ADGRL2: variants seen among roughly 807,000 people sequenced by gnomAD.
ADGRL2 encodes the protein adhesion G protein-coupled receptor L2, also known as calcium-independent alpha-latrotoxin receptor 2.
A neutral mutation model predicts 157.4 loss-of-function variants in ADGRL2; 44 were observed. The observed-to-expected ratio is 0.28, with a 90% CI of 0.22 to 0.36. ADGRL2 has a LOEUF of 0.36. ADGRL2 is among the 10% of genes least tolerant of loss of function. The pLI is 1.00. For synonymous variants in ADGRL2, 585 were observed against 624.7 expected (o/e 0.94, Z 0.95); for missense variants, 1,510 against 1,768.9 (o/e 0.85, Z 2.63).
intron 1 of ADGRL2, among the ~76,000 whole-genome samples, chr1:81,808,849 C>T (rs570797011): frequency 2.0e-5 from 3 of 152,104 alleles, no homozygotes; most frequent in African/African-American, 4.8e-5. Context: ...CCCAGATTTA[C>T]GGAAGTGCAG....
intron 3 of ADGRL2, among the ~76,000 whole-genome samples, chr1:81,918,056 A>G (rs2094898994): frequency 6.6e-6 from 1 of 152,192 alleles, no homozygotes; most frequent in African/African-American, 2.4e-5. Context: ...TGGCTTAGGA[A>G]TAGCCAAGCG....
chr1:81,821,173 A>G (rs2090956190), intron 1 of ADGRL2, among the ~76,000 whole-genome samples: 1 of 152,214 alleles, frequency 6.6e-6, no homozygotes, highest in Non-Finnish European at 1.5e-5. Context: ...GACATCCTTA[A>G]AAAGACATTT....
rs113028215 is a variant in ADGRL2, at chr1:81,710,266, A to G, written c.-143+10458A>G. Among the ~76,000 whole-genome samples the G allele has an allele frequency of 1.2e-4, 18 of 152,146 alleles. 1 individual carries two copies. The highest frequency in any genetic ancestry group is 3.9e-4 in the African/African-American group (16 of 41,522). On this transcript the variant is annotated intron_variant, in intron 1 of 20. Coordinates refer to the ADGRL2 transcript ENST00000359929. Reference sequence around the variant, plus strand: ...GAAAGATGAACAGTGCTGCCTTTCTATAGCAGTGTTTCTCAAACTTTTTGA... The same window carrying G: ...GAAAGATGAACAGTGCTGCCTTTCTGTAGCAGTGTTTCTCAAACTTTTTGA...
intron 2 of ADGRL2, among the ~76,000 whole-genome samples, chr1:81,872,799 T>G (rs1284636679): frequency 1.3e-5 from 2 of 152,144 alleles, no homozygotes; most frequent in East Asian, 3.8e-4. Flanking sequence ...AACAATATAA[T>G]CATGATTTTC....
intron 2 of ADGRL2, among the ~76,000 whole-genome samples, chr1:81,452,213 C>CT (rs2077715413): frequency 6.6e-6 from 1 of 152,122 alleles, no homozygotes; most frequent in East Asian, 1.9e-4. Context: ...TTGGGAAAGA[C>CT]TTTACTCTTA....
chr1:81,322,942 C>T (rs1427728202), intron 1 of ADGRL2, among the ~76,000 whole-genome samples: 6 of 151,328 alleles, frequency 4.0e-5, no homozygotes, highest in African/African-American at 1.5e-4. Context: ...ACTGCAACCT[C>T]CCACTCTTTG....
chr1:81,748,788 C>T (rs974068871), intron 1 of ADGRL2, among the ~76,000 whole-genome samples: 26 of 151,972 alleles, frequency 1.7e-4, no homozygotes, highest in Non-Finnish European at 2.6e-4. Context: ...CTGCCTTAGC[C>T]TCCCAAGTAA....
chr1:81,394,076 G>A (rs2076609380), intron 1 of ADGRL2, among the ~76,000 whole-genome samples: 2 of 151,792 alleles, frequency 1.3e-5, no homozygotes, highest in South Asian at 4.2e-4. Context: ...ACAATATGTA[G>A]TTGCCTGTTT....
At chr1:81,463,011 A>G (rs2077971216) in intron 2 of ADGRL2, among the ~76,000 whole-genome samples, 2 of 151,162 alleles carry the variant, frequency 1.3e-5, no homozygotes, top group Non-Finnish European at 2.9e-5. Context: ...GGTACTCAGA[A>G]GGCTGAGGCA....
chr1:81,566,042 A>C (rs768484311), intron 2 of ADGRL2, among the ~76,000 whole-genome samples: 13 of 152,302 alleles, frequency 8.5e-5, no homozygotes, highest in Non-Finnish European at 1.6e-4. Flanking sequence ...CTATAAATGG[A>C]GGAAGAAAAT....
At chr1:81,559,381 C>T (rs1192934324) in intron 2 of ADGRL2, among the ~76,000 whole-genome samples, 1 of 151,010 alleles carries the variant, frequency 6.6e-6, no homozygotes, top group African/African-American at 2.4e-5. Flanking sequence ...GAATTGGTAT[C>T]ATGTACAGTT....
At chr1:81,495,080 TGAA>T in intron 2 of ADGRL2, among the ~76,000 whole-genome samples, 1 of 152,252 alleles carries the variant, frequency 6.6e-6, no homozygotes, top group African/African-American at 2.4e-5. Flanking sequence ...AGCAGATGGT[TGAA>T]GAAGGAACAC....
intron 1 of ADGRL2, among the ~76,000 whole-genome samples, chr1:81,379,617 G>T (rs1300157166): frequency 6.6e-6 from 1 of 152,126 alleles, no homozygotes; most frequent in African/African-American, 2.4e-5. Context: ...TCCTCCAACT[G>T]CCCCAGCCAA....
At chr1:81,567,818 A>G (rs2080596874) in intron 2 of ADGRL2, among the ~76,000 whole-genome samples, 1 of 152,140 alleles carries the variant, frequency 6.6e-6, no homozygotes, top group Admixed American at 6.6e-5. Flanking sequence ...ATAGAGTAGG[A>G]TGGGCTTCAC....
At chr1:81,792,703 T>G (rs2087407643) in intron 2 of ADGRL2, among the ~76,000 whole-genome samples, 1 of 152,130 alleles carries the variant, frequency 6.6e-6, no homozygotes, top group African/African-American at 2.4e-5. Context: ...ACACATATGC[T>G]TATGATGATA....
At chr1:81,949,130 T>C (rs1650919587) in intron 6 of ADGRL2, among the ~76,000 whole-genome samples, 1 of 152,194 alleles carries the variant, frequency 6.6e-6, no homozygotes, top group African/African-American at 2.4e-5. Flanking sequence ...TCATTTGCTC[T>C]ACTACAACAA....
chr1:81,900,907 C>A (rs1329918877), intron 2 of ADGRL2, among the ~76,000 whole-genome samples: 2 of 151,474 alleles, frequency 1.3e-5, no homozygotes, highest in African/African-American at 2.4e-5. Flanking sequence ...GGAGCCGAGG[C>A]TAAAAAATAA....
chr1:81,758,591 T>A (rs2085768140), intron 1 of ADGRL2, among the ~76,000 whole-genome samples: 1 of 152,168 alleles, frequency 6.6e-6, no homozygotes, highest in Admixed American at 6.5e-5. Context: ...ATTTGAAAAA[T>A]TCATTAAGAA....
intron 3 of ADGRL2, among the ~76,000 whole-genome samples, chr1:81,619,275 CTTT>C (rs36114889): frequency 4.1e-5 from 6 of 145,728 alleles, no homozygotes; most frequent in African/African-American, 5.0e-5. Flanking sequence ...ACAGTTGTGG[CTTT>C]TTTTTTTTTT....
Sources: allele counts gnomAD v4.1 joint callset (sites outside exome capture counted in the v4.1 genomes callset), GRCh38; gene constraint gnomAD v4.1.1; transcripts MANE v1.5; gene names NCBI Gene and HGNC (gene_info 2026-07-23, HGNC 2026-07-21).